PRIM2: variants seen among roughly 807,000 people sequenced by gnomAD.
PRIM2 encodes the protein DNA primase large subunit.
A neutral mutation model predicts 67.3 loss-of-function variants in PRIM2; 39 were observed. The observed-to-expected ratio is 0.58, with a 90% CI of 0.45 to 0.76. The LOEUF (loss-of-function observed/expected upper bound fraction) is 0.76. PRIM2 is among the 30% of genes least tolerant of loss of function. PRIM2 has a pLI of 0.00. For synonymous variants in PRIM2, 143 were observed against 198.7 expected (o/e 0.72, Z 2.36); for missense variants, 398 against 598.7 (o/e 0.66, Z 3.50).
At chr6:57,515,125 A>G (rs1562781106) in intron 8 of PRIM2, among the ~76,000 whole-genome samples, 3 of 152,326 alleles carry the variant, frequency 2.0e-5, no homozygotes, top group Non-Finnish European at 4.4e-5. Context: ...TAAAATTTTC[A>G]CTTAATATAA....
At chr6:57,356,703 A>T (rs533325906) in intron 5 of PRIM2, among the ~76,000 whole-genome samples, 71 of 152,276 alleles carry the variant, frequency 4.7e-4, no homozygotes, top group African/African-American at 1.7e-3. Flanking sequence ...ATTTGAATTC[A>T]AAGGGTAAAA....
chr6:57,610,353 C>A (rs1411853405), intron 12 of PRIM2, among the ~76,000 whole-genome samples: 3 of 152,160 alleles, frequency 2.0e-5, no homozygotes, highest in African/African-American at 7.2e-5. Flanking sequence ...TAGGCGTGAC[C>A]CACCACGCCT....
At chr6:57,256,049 A>T in the PRIM2 span, among the ~76,000 whole-genome samples, 2,041 of 151,348 alleles carry the variant, frequency 0.013, 52 homozygotes, top group African/African-American at 0.046. Context: ...ACACACACAC[A>T]TTAGATGTAC....
intron 7 of PRIM2, among the ~76,000 whole-genome samples, chr6:57,401,934 G>A (rs1770722077): frequency 6.6e-6 from 1 of 152,212 alleles, no homozygotes; most frequent in Admixed American, 6.5e-5. Flanking sequence ...GGTAGCAAGG[G>A]CAGTTCTGCT....
intron 5 of PRIM2, among the ~76,000 whole-genome samples, chr6:57,365,685 T>A (rs1769332561): frequency 1.3e-5 from 2 of 152,174 alleles, no homozygotes; most frequent in African/African-American, 4.8e-5. Context: ...ATAGGCTGTG[T>A]GCGGTAGCTC....
intron 7 of PRIM2, among the ~76,000 whole-genome samples, chr6:57,472,914 G>T (rs1773373623): frequency 6.6e-6 from 1 of 152,126 alleles, no homozygotes; most frequent in African/African-American, 2.4e-5. Flanking sequence ...GATCAAATTG[G>T]TTTTCTCCAG....
chr6:57,637,391 C>T (rs1777140394), intron 13 of PRIM2, among the ~76,000 whole-genome samples: 1 of 152,014 alleles, frequency 6.6e-6, no homozygotes, highest in Non-Finnish European at 1.5e-5. Flanking sequence ...GGGAATAAAA[C>T]CGGATGGAGA....
At chr6:57,330,361 G>GTTT (rs59599812) in intron 5 of PRIM2, among the ~76,000 whole-genome samples, 1 of 110,396 alleles carries the variant, frequency 9.1e-6, no homozygotes, top group African/African-American at 3.6e-5. Context: ...TTTTTTTTTT[G>GTTT]TTTTTGTTTT....
At chr6:57,317,564 C>T (rs796612949), upstream of PRIM2, 49 of 152,882 alleles carry the variant, frequency 3.2e-4, no homozygotes, top group African/African-American at 1.2e-3. Flanking sequence ...CAAACCCCCT[C>T]CTACCCGCCA....
At chr6:57,283,198 G>T in the PRIM2 span, among the ~76,000 whole-genome samples, 6 of 152,124 alleles carry the variant, frequency 3.9e-5, no homozygotes, top group Non-Finnish European at 5.9e-5. Flanking sequence ...CCACTCATAT[G>T]AAATGATCAA....
In PRIM2 at chr6:57,588,262, C is replaced by T. The variant is rs1168104097; in HGVS notation, c.1021-12831C>T. On this transcript the variant is annotated intron_variant, in intron 10 of 13. Coordinates refer to ENST00000615550, the MANE Select transcript of PRIM2 (RefSeq NM_000947.5). Reference sequence around the variant, plus strand: ...GAGCTGAGTAGAAAATTATGTTGACCTTTAAGAGGTCCCATAGAGATATGA... The same window carrying T: ...GAGCTGAGTAGAAAATTATGTTGACTTTTAAGAGGTCCCATAGAGATATGA... Among the ~76,000 whole-genome samples, 10 of 152,048 alleles carry T rather than the reference C, an allele frequency of 6.6e-5. No homozygotes were observed. In the East Asian group the frequency reaches 1.7e-3, roughly 26 times the overall value.
At position 57,393,329 on chromosome 6, in the gene PRIM2, G is replaced by T. The variant is rs990039642; in HGVS notation, c.693+11161G>T. Reference sequence around the variant, plus strand: ...TCCATGCCAACATCTCCTGTTTTTTGATTTTGATTATGGCCATTCTTGCAG... The same window carrying T: ...TCCATGCCAACATCTCCTGTTTTTTTATTTTGATTATGGCCATTCTTGCAG... On this transcript the variant is annotated intron_variant, in intron 7 of 13. Transcript: ENST00000615550. Among the ~76,000 whole-genome samples the T allele has an allele frequency of 2.6e-5, 4 of 151,906 alleles. 1 individual carries two copies. The highest frequency in any genetic ancestry group is 1.9e-4 in the East Asian group (1 of 5,192).
chr6:57,385,123 CA>C, intron 7 of PRIM2, among the ~76,000 whole-genome samples: 1 of 152,180 alleles, frequency 6.6e-6, no homozygotes, highest in South Asian at 2.1e-4. Flanking sequence ...CAAAATTTTA[CA>C]ATTTTTTTCT....
At chr6:57,642,447 T>A in intron 13 of PRIM2, among the ~76,000 whole-genome samples, 1 of 131,270 alleles carries the variant, frequency 7.6e-6, no homozygotes, top group Non-Finnish European at 1.6e-5. Context: ...TTTTTTTTTT[T>A]TTTTTTTTTT....
rs1236435010 is a variant in PRIM2 at position 57,646,510 on chromosome 6, C to CTT, written c.*365_*366dup. 59 of 161,774 alleles carry CTT rather than the reference C, an allele frequency of 3.6e-4. No individual in the cohort carries two copies. Among genetic ancestry groups the CTT allele is most frequent in the South Asian group, 1.1e-3 (6 of 5,650 alleles). The allele number at this position is 161,774 out of a possible 1,614,324, so 10.0% of individuals were successfully genotyped here. On this transcript the variant is annotated 3_prime_UTR_variant, in exon 14 of 14. Coordinates refer to ENST00000615550, the MANE Select transcript of PRIM2 (RefSeq NM_000947.5). The stretch of plus-strand genomic sequence containing the variant: ...ACGGTTGTGAGCCACTGTGCCTGGC[C>CTT]TTTTTTTTTTTTTTAACCTTTTTGT...
chr6:57,386,302 C>T (rs1170062298), intron 7 of PRIM2, among the ~76,000 whole-genome samples: 1 of 151,220 alleles, frequency 6.6e-6, no homozygotes, highest in Non-Finnish European at 1.5e-5. Flanking sequence ...CCCGTAGTCC[C>T]AGCTACTTGG....
intron 10 of PRIM2, among the ~76,000 whole-genome samples, chr6:57,594,736 A>G (rs1387103209): frequency 1.3e-5 from 2 of 152,194 alleles, no homozygotes; most frequent in Non-Finnish European, 2.9e-5. Flanking sequence ...CAACATAAAA[A>G]TATCTTTGCA....
At chr6:57,433,371 TA>T (rs1771896112) in intron 7 of PRIM2, among the ~76,000 whole-genome samples, 1 of 151,344 alleles carries the variant, frequency 6.6e-6, no homozygotes, top group Non-Finnish European at 1.5e-5. Context: ...GTATATCTCC[TA>T]ATGCTATCCC....
At chr6:57,592,124 C>T (rs1440896553) in intron 10 of PRIM2, among the ~76,000 whole-genome samples, 8 of 151,716 alleles carry the variant, frequency 5.3e-5, no homozygotes, top group African/African-American at 1.9e-4. Flanking sequence ...ACATTGGGTA[C>T]GCATGGACAT....
Sources: allele counts gnomAD v4.1 joint callset (sites outside exome capture counted in the v4.1 genomes callset), GRCh38; gene constraint gnomAD v4.1.1; transcripts MANE v1.5; gene names NCBI Gene and HGNC (gene_info 2026-07-23, HGNC 2026-07-21).